The following ZCWPW1 variants were observed in gnomAD, a reference collection of about 807,000 sequenced individuals.
ZCWPW1 encodes the protein zinc finger CW-type and PWWP domain containing 1.
A neutral mutation model predicts 81.3 loss-of-function variants in ZCWPW1; 56 were observed. The observed-to-expected ratio is 0.69, with a 90% CI of 0.56 to 0.86. ZCWPW1 has a LOEUF of 0.86. ZCWPW1 is among the 40% of genes least tolerant of loss of function. The pLI is 0.00. For missense variants in ZCWPW1, 650 were observed against 769.8 expected (o/e 0.84, Z 1.84); for synonymous variants, 250 against 273.7 (o/e 0.91, Z 0.86).
At chr7:100,420,516 T>C in intron 3 of ZCWPW1, 106 bp downstream of exon 3, 2 of 1,338,082 alleles carry the variant, frequency 1.5e-6, no homozygotes, top group South Asian at 2.4e-5. Flanking sequence ...TTGACCTGAG[T>C]GGGCACAGAA....
At chr7:100,406,144 T>C (rs1486210307) in intron 12 of ZCWPW1, among the ~76,000 whole-genome samples, 1 of 152,170 alleles carries the variant, frequency 6.6e-6, no homozygotes, top group East Asian at 1.9e-4. Flanking sequence ...CCAAAGTGAC[T>C]ACAGGGAGGA....
At chr7:100,415,513 C>T (rs543740425) in intron 8 of ZCWPW1, among the ~76,000 whole-genome samples, 31 of 152,198 alleles carry the variant, frequency 2.0e-4, no homozygotes, top group African/African-American at 7.2e-4. Context: ...ATAACCAAAC[C>T]GCTAATGGCT....
intron 2 of ZCWPW1, among the ~76,000 whole-genome samples, chr7:100,423,350 A>G (rs1486340878): frequency 6.6e-6 from 1 of 152,222 alleles, no homozygotes; most frequent in Non-Finnish European, 1.5e-5. Context: ...AAAGAGATCC[A>G]AAAGCGACGT....
intron 2 of ZCWPW1, among the ~76,000 whole-genome samples, chr7:100,424,509 T>G (rs980582374): frequency 6.6e-6 from 1 of 152,192 alleles, no homozygotes. Context: ...ATCACCAGGC[T>G]GGAGTGCAGT....
chr7:100,424,151 T>C (rs938014802), intron 2 of ZCWPW1, among the ~76,000 whole-genome samples: 1 of 152,086 alleles, frequency 6.6e-6, no homozygotes, highest in Non-Finnish European at 1.5e-5. Context: ...AATATATCTT[T>C]TCCTAGACTT....
chr7:100,404,472 T>G (rs1322052363), intron 13 of ZCWPW1, among the ~76,000 whole-genome samples: 1 of 152,172 alleles, frequency 6.6e-6, no homozygotes, highest in East Asian at 1.9e-4. Context: ...ATGATCCTCC[T>G]GCCTTAGCCT....
intron 8 of ZCWPW1, among the ~76,000 whole-genome samples, chr7:100,412,825 C>A (rs577948380): frequency 1.3e-5 from 2 of 152,310 alleles, no homozygotes; most frequent in South Asian, 4.1e-4. Flanking sequence ...TCGTGATCCA[C>A]CCGCCTCGGC....
chr7:100,427,919 A>C (rs1297329917), intron 1 of ZCWPW1, among the ~76,000 whole-genome samples: 3 of 148,188 alleles, frequency 2.0e-5, no homozygotes, highest in African/African-American at 2.5e-5. Context: ...CCATGAGGGA[A>C]TCTCCCCTCC....
intron 1 of ZCWPW1, among the ~76,000 whole-genome samples, chr7:100,426,812 C>A (rs1797480236): frequency 1.0e-5 from 1 of 96,240 alleles, no homozygotes; most frequent in Non-Finnish European, 2.1e-5. Context: ...CCCTCCTCCC[C>A]CTCTCCTTTC....
intron 14 of ZCWPW1, 39 bp from the exon 15 acceptor site, chr7:100,403,824 A>C: frequency 6.4e-7 from 1 of 1,570,966 alleles, no homozygotes; most frequent in Non-Finnish European, 8.7e-7. Flanking sequence ...AATCATTCAT[A>C]CCATAAAATA....
intron 6 of ZCWPW1, among the ~76,000 whole-genome samples, chr7:100,416,777 T>C (rs1470175348): frequency 1.3e-5 from 2 of 152,064 alleles, no homozygotes; most frequent in Non-Finnish European, 2.9e-5. Flanking sequence ...GAACCCCGTC[T>C]CTACTAAAAA....
At chr7:100,422,520 C>T (rs1382543825) in intron 2 of ZCWPW1, among the ~76,000 whole-genome samples, 1 of 152,170 alleles carries the variant, frequency 6.6e-6, no homozygotes, top group Non-Finnish European at 1.5e-5. Context: ...TTTTTATTTT[C>T]CAATTTATAC....
chr7:100,426,734 T>C (rs919578907), intron 1 of ZCWPW1, among the ~76,000 whole-genome samples: 2 of 121,638 alleles, frequency 1.6e-5, no homozygotes, highest in East Asian at 2.8e-4. Flanking sequence ...CCTCCATCCC[T>C]TCCTCCCCCT....
In ZCWPW1 at chr7:100,402,569, A is replaced by G. The variant is rs753963318; in HGVS notation, c.1421T>C (p.Ile474Thr). The part of the protein sequence containing the change: ...EKEEGEKTDP[I>T]LPIRKRVKIQ... ...TTTGACTCGCTTACGAATGGGCAAAATTGGGTCCTGAGGATGGGAGAGAAA... is the reference window on the plus strand; with the variant it reads ...TTTGACTCGCTTACGAATGGGCAAAGTTGGGTCCTGAGGATGGGAGAGAAA... Residue 474 changes from isoleucine to threonine, a missense_variant, in exon 16 of 18, where the codon ATT (isoleucine) becomes ACT (threonine). Coordinates refer to ENST00000684423, the MANE Select transcript of ZCWPW1 (RefSeq NM_001386010.1). The G allele has an allele frequency of 6.2e-7, 1 of 1,614,164 alleles. No individual in the cohort carries two copies. Among genetic ancestry groups the G allele is most frequent in the Non-Finnish European group, 8.5e-7 (1 of 1,180,012 alleles).
In ZCWPW1 at chr7:100,422,910, T is replaced by A. The variant is rs532340480; in HGVS notation, c.-30+2120A>T. Among the ~76,000 whole-genome samples, 3 of 152,338 alleles carry A rather than the reference T, an allele frequency of 2.0e-5. No homozygotes were observed. In the South Asian group the frequency reaches 6.2e-4, roughly 32 times the overall value. On this transcript the variant is annotated intron_variant, in intron 2 of 17. Coordinates refer to ENST00000684423, the MANE Select transcript of ZCWPW1 (RefSeq NM_001386010.1). ...ATCCATGTTGCTGCAAAGGACATGATCTTGTTCTTTTATATGGCTGCATAG... is the reference window on the plus strand; with the variant it reads ...ATCCATGTTGCTGCAAAGGACATGAACTTGTTCTTTTATATGGCTGCATAG...
rs540440842 is a variant in ZCWPW1, at chr7:100,420,228, G to A, written c.29-345C>T. On this transcript the variant is annotated intron_variant, in intron 3 of 17. Transcript: ENST00000684423. ...TGCTCATTTTTACTTTAGATAAAAT[G>A]TTATGGAAAATTAGAGCAAATTTTT... 2.6e-5 allele frequency among the ~76,000 whole-genome samples: 4 copies of A among 152,314 alleles called. No homozygotes were observed. The South Asian group carries it at 8.3e-4, about 32-fold the overall frequency.
rs766806707 is a variant in ZCWPW1 at position 100,402,023 on chromosome 7, C to T, written c.1493G>A (p.Gly498Asp). 7.4e-6 allele frequency: 12 copies of T among 1,611,704 alleles called. No homozygotes were observed. The East Asian group carries it at 2.7e-4, about 36-fold the overall frequency. Reference sequence around the variant, plus strand: ...TGTCCTGCCTCGGCCATCTGCTGTGCCTGCATCACCCCCAAGCCCTAGCCG... The same window carrying T: ...TGTCCTGCCTCGGCCATCTGCTGTGTCTGCATCACCCCCAAGCCCTAGCCG... ...TKPRGLGGDAGTADGRGRTLQ... is the reference protein window; with the variant it reads ...TKPRGLGGDADTADGRGRTLQ... The change falls in exon 17 of 18, where the codon GGC (glycine) becomes GAC (aspartate). Residue 498 changes from glycine to aspartate, a missense_variant. By Grantham distance (94) the Gly-to-Asp change is moderately conservative (BLOSUM62 -1). Transcript: ENST00000684423.
chr7:100,428,051 G>A (rs1028552673), intron 1 of ZCWPW1, among the ~76,000 whole-genome samples: 3 of 151,966 alleles, frequency 2.0e-5, no homozygotes, highest in Non-Finnish European at 4.4e-5. Flanking sequence ...GAGGAAAAAG[G>A]GCGAAGGGCT....
chr7:100,415,952 T>G, intron 8 of ZCWPW1, 23 bp downstream of exon 8: 1 of 1,613,650 alleles, frequency 6.2e-7, no homozygotes, highest in Non-Finnish European at 8.5e-7. Context: ...GCCAAGTAGG[T>G]TTGCCAAACC....
Sources: allele counts gnomAD v4.1 joint callset (sites outside exome capture counted in the v4.1 genomes callset), GRCh38; gene constraint gnomAD v4.1.1; transcripts MANE v1.5; gene names NCBI Gene and HGNC (gene_info 2026-07-23, HGNC 2026-07-21).